EPHA5: variants seen among roughly 807,000 people sequenced by gnomAD.
The protein encoded by EPHA5 is EPH receptor A5.
Under a neutral mutation model 105.0 loss-of-function variants are expected in EPHA5, and 60 were observed. The ratio of observed to expected loss-of-function variants is 0.57; its 90% CI spans 0.46 to 0.71. EPHA5 has a LOEUF of 0.71. Ranked by LOEUF, EPHA5 falls within the 30% of genes least tolerant of loss-of-function variation. The pLI, the probability that EPHA5 is intolerant of heterozygous loss-of-function variation, is 0.00. For synonymous variants in EPHA5, 513 were observed against 449.1 expected (o/e 1.14, Z -1.80); for missense variants, 1,218 against 1,274.7 (o/e 0.96, Z 0.68).
intron 3 of EPHA5, among the ~76,000 whole-genome samples, chr4:65,522,359 C>A (rs1018034504): frequency 7.2e-6 from 1 of 139,262 alleles, no homozygotes; most frequent in Non-Finnish European, 1.5e-5. Flanking sequence ...ACCTGACTTA[C>A]TCAAAGTCAA....
At chr4:65,510,209 T>TA (rs1733476684) in intron 3 of EPHA5, among the ~76,000 whole-genome samples, 1 of 146,336 alleles carries the variant, frequency 6.8e-6, no homozygotes, top group African/African-American at 2.5e-5. Context: ...TAATTTTGTG[T>TA]TTTTTTTTTT....
chr4:65,339,297 G>A (rs536572205), intron 14 of EPHA5, among the ~76,000 whole-genome samples: 1 of 152,050 alleles, frequency 6.6e-6, no homozygotes, highest in South Asian at 2.1e-4. Flanking sequence ...CCCTCAGCCA[G>A]CAATAGGAGT....
At chr4:65,523,682 TAC>T (rs1444203380) in intron 3 of EPHA5, among the ~76,000 whole-genome samples, 2 of 151,984 alleles carry the variant, frequency 1.3e-5, no homozygotes, top group Admixed American at 1.3e-4. Flanking sequence ...AGACAGACTT[TAC>T]ACAGATAATA....
rs183880224 is a variant in EPHA5 at position 65,569,410 on chromosome 4, T to C, written c.910+32231A>G. Among the ~76,000 whole-genome samples the C allele has an allele frequency of 2.2e-4, 34 of 151,772 alleles. No homozygotes were observed. The East Asian group carries it at 6.2e-3, about 28-fold the overall frequency. On this transcript the variant is annotated intron_variant, in intron 3 of 16. Coordinates refer to ENST00000613740, the MANE Select transcript of EPHA5 (RefSeq NM_001281766.3). ...AGCTAGTTAGCACAGTTGAGGATCATAGAACAGATATATCAGTATAAGAAT... is the reference window on the plus strand; with the variant it reads ...AGCTAGTTAGCACAGTTGAGGATCACAGAACAGATATATCAGTATAAGAAT...
intron 8 of EPHA5, among the ~76,000 whole-genome samples, chr4:65,390,775 A>G (rs1003688499): frequency 1.3e-5 from 2 of 152,138 alleles, no homozygotes; most frequent in African/African-American, 4.8e-5. Flanking sequence ...AGCAGACATA[A>G]CTAATATTTA....
chr4:65,365,916 A>G lies in EPHA5; in HGVS notation c.1987+16T>C, dbSNP rs1717862808. 22 of 1,594,046 alleles carry G rather than the reference A, an allele frequency of 1.4e-5. No homozygotes were observed. Among genetic ancestry groups the G allele is most frequent in the Non-Finnish European group, 1.8e-5 (21 of 1,165,074 alleles). On this transcript the variant is annotated intron_variant, in intron 10 of 16. Coordinates refer to ENST00000613740, the MANE Select transcript of EPHA5 (RefSeq NM_001281766.3). ...CAAACAAAAGTTAAAAATGAAAGTC[A>G]AACACATTGTCGTACCTGCTCCAAT...
At chr4:65,431,892 A>G (rs1255272024) in intron 5 of EPHA5, among the ~76,000 whole-genome samples, 2 of 152,104 alleles carry the variant, frequency 1.3e-5, no homozygotes, top group Admixed American at 6.6e-5. Context: ...TATGTGCCCA[A>G]TAAAAAAAAA....
intron 3 of EPHA5, among the ~76,000 whole-genome samples, chr4:65,504,381 TAG>T (rs954292989): frequency 6.7e-6 from 1 of 149,964 alleles, no homozygotes; most frequent in Admixed American, 6.7e-5. Flanking sequence ...TATATATATA[TAG>T]ATAGAACAAA....
At chr4:65,600,473 G>T (rs1252167123) in intron 3 of EPHA5, among the ~76,000 whole-genome samples, 1 of 152,156 alleles carries the variant, frequency 6.6e-6, no homozygotes, top group South Asian at 2.1e-4. Context: ...AAAGTGCAAT[G>T]TGTTTCTGGA....
intron 3 of EPHA5, among the ~76,000 whole-genome samples, chr4:65,548,798 T>C (rs1395163246): frequency 6.6e-6 from 1 of 152,084 alleles, no homozygotes; most frequent in East Asian, 1.9e-4. Flanking sequence ...CTAGAAACTC[T>C]CATGTTCCCT....
At chr4:65,614,954 T>C (rs963589020) in intron 2 of EPHA5, among the ~76,000 whole-genome samples, 15 of 151,832 alleles carry the variant, frequency 9.9e-5, no homozygotes, top group Non-Finnish European at 2.2e-4. Context: ...TAAATCATCA[T>C]ACAAGAGTTA....
intron 5 of EPHA5, among the ~76,000 whole-genome samples, chr4:65,439,372 G>T (rs1047964107): frequency 2.0e-5 from 3 of 151,918 alleles, no homozygotes; most frequent in Admixed American, 6.6e-5. Context: ...AACATAAAAG[G>T]TGCACAATCT....
intron 5 of EPHA5, among the ~76,000 whole-genome samples, chr4:65,435,213 A>T (rs1237492416): frequency 6.6e-6 from 1 of 152,122 alleles, no homozygotes; most frequent in Non-Finnish European, 1.5e-5. Flanking sequence ...CCTCACTGTC[A>T]CTGAGAATTT....
At chr4:65,428,407 A>ACTT (rs1724657761) in intron 5 of EPHA5, among the ~76,000 whole-genome samples, 1 of 152,128 alleles carries the variant, frequency 6.6e-6, no homozygotes, top group South Asian at 2.1e-4. Flanking sequence ...TTCTCAACAC[A>ACTT]CTTAGTACCT....
At chr4:65,370,874 G>T (rs1270775714) in intron 8 of EPHA5, among the ~76,000 whole-genome samples, 1 of 152,024 alleles carries the variant, frequency 6.6e-6, no homozygotes, top group African/African-American at 2.4e-5. Context: ...ATTAAAACAA[G>T]CCTCAACAAG....
At chr4:65,626,937 TC>T (rs1746210759) in intron 2 of EPHA5, among the ~76,000 whole-genome samples, 3 of 152,232 alleles carry the variant, frequency 2.0e-5, no homozygotes, top group African/African-American at 7.2e-5. Flanking sequence ...TGAAATCCTC[TC>T]TAGCCACAGC....
chr4:65,609,122 C>A (rs577635306), intron 2 of EPHA5, among the ~76,000 whole-genome samples: 1 of 152,034 alleles, frequency 6.6e-6, no homozygotes, highest in Non-Finnish European at 1.5e-5. Context: ...CATATAACAA[C>A]AAGAAAAATG....
chr4:65,360,467 A>T (rs926272254), intron 11 of EPHA5, among the ~76,000 whole-genome samples: 1 of 151,734 alleles, frequency 6.6e-6, no homozygotes, highest in Non-Finnish European at 1.5e-5. Flanking sequence ...AAAATCTGAC[A>T]TTATTCCCAT....
At chr4:65,516,846 G>A (rs1293644820) in intron 3 of EPHA5, among the ~76,000 whole-genome samples, 1 of 152,056 alleles carries the variant, frequency 6.6e-6, no homozygotes, top group East Asian at 1.9e-4. Flanking sequence ...ATTGTGGTCA[G>A]AAGTTACACA....
Sources: allele counts gnomAD v4.1 joint callset (sites outside exome capture counted in the v4.1 genomes callset), GRCh38; gene constraint gnomAD v4.1.1; transcripts MANE v1.5; gene names NCBI Gene and HGNC (gene_info 2026-07-23, HGNC 2026-07-21).